Variants in ZNF469 observed in about 807,000 individuals in gnomAD.
ZNF469 encodes zinc finger protein 469.
Under a neutral mutation model 1.0 loss-of-function variants are expected in ZNF469, and 1 was observed. The ratio of observed to expected loss-of-function variants is 1.00; its 90% CI spans 0.35 to 4.73. ZNF469 has a LOEUF of 4.73. ZNF469 is among the 30% of genes most tolerant of loss of function. The pLI, the probability that ZNF469 is intolerant of heterozygous loss-of-function variation, is 0.16. For synonymous variants in ZNF469, 2,703 were observed against 2,363.4 expected (o/e 1.14, Z -4.17); for missense variants, 6,100 against 5,356.3 (o/e 1.14, Z -4.33).
In ZNF469 at chr16:88,439,685, T is replaced by C; in HGVS notation, c.*353T>C. 6.4e-6 allele frequency: 2 copies of C among 310,646 alleles called. No individual in the cohort carries two copies. The highest frequency in any genetic ancestry group is 4.6e-5 in the Admixed American group (1 of 21,506). 19.2% of individuals were successfully genotyped at this position (310,646 alleles called of 1,614,324 possible). On this transcript the variant is annotated 3_prime_UTR_variant, in exon 3 of 3. Transcript: ENST00000565624. ...ACCACAGAAGCCAATGTTTGGAGAT[T>C]TGCACAACCTCCCGTTCCCCCACAT...
the ZNF469 span, among the ~76,000 whole-genome samples, chr16:88,286,534 A>G: frequency 1.3e-5 from 2 of 152,246 alleles, no homozygotes; most frequent in East Asian, 1.9e-4. Context: ...GCCACTTGCC[A>G]TCGGGAGAGG....
chr16:88,395,584 G>T (rs953523159), intron 1 of ZNF469, among the ~76,000 whole-genome samples: 1 of 152,104 alleles, frequency 6.6e-6, no homozygotes, highest in Non-Finnish European at 1.5e-5. Flanking sequence ...GCTGTGACCT[G>T]CCCAGGTTCG....
the ZNF469 span, among the ~76,000 whole-genome samples, chr16:88,103,438 T>A: frequency 6.6e-6 from 1 of 152,206 alleles, no homozygotes; most frequent in African/African-American, 2.4e-5. Context: ...AACTCAGAAA[T>A]GCTTCCAGCC....
chr16:88,239,271 G>A, the ZNF469 span, among the ~76,000 whole-genome samples: 1 of 152,086 alleles, frequency 6.6e-6, no homozygotes, highest in Non-Finnish European at 1.5e-5. Flanking sequence ...GATCAGCTGG[G>A]AAAAAATTGA....
At chr16:88,423,638 A>G (rs1379530582) in intron 1 of ZNF469, among the ~76,000 whole-genome samples, 1 of 152,224 alleles carries the variant, frequency 6.6e-6, no homozygotes, top group African/African-American at 2.4e-5. Flanking sequence ...TGCGGTCAGA[A>G]TGTCAGCAGG....
the ZNF469 span, among the ~76,000 whole-genome samples, chr16:88,372,721 T>A: frequency 3.4e-5 from 5 of 147,862 alleles, no homozygotes; most frequent in Admixed American, 3.3e-4. Context: ...GTCATCATGA[T>A]CTTATCATCT....
Position 88,428,454 on chromosome 16 carries a change from C to T in ZNF469, c.984C>T (p.Thr328=). The T allele has an allele frequency of 1.3e-6, 2 of 1,548,586 alleles. No individual in the cohort carries two copies. Among genetic ancestry groups the T allele is most frequent in the East Asian group, 2.4e-5 (1 of 40,904 alleles). The change falls in exon 3 of 3, where the codon ACC becomes ACT. Residue 328 remains threonine, a synonymous_variant. Coordinates refer to ENST00000565624, the MANE Select transcript of ZNF469 (RefSeq NM_001367624.2). ...CGGGCCCTGCCTACCCGCTGCCCAC[C>T]CAGCCTGCGCCCTCACCCCTGCCCT... ...VGTGPAYPLP[T]QPAPSPLPCY...
chr16:88,389,529 G>A (rs970943988), intron 1 of ZNF469, among the ~76,000 whole-genome samples: 2 of 152,228 alleles, frequency 1.3e-5, no homozygotes, highest in African/African-American at 4.8e-5. Flanking sequence ...TCCTGGGGAT[G>A]GAAGTGCTTC....
At chr16:88,264,439 GTCT>G in the ZNF469 span, among the ~76,000 whole-genome samples, 1 of 151,834 alleles carries the variant, frequency 6.6e-6, no homozygotes, top group African/African-American at 2.4e-5. Context: ...GCCTCCTCCT[GTCT>G]GCTGGCTCCA....
At chr16:88,139,532 C>T in the ZNF469 span, among the ~76,000 whole-genome samples, 879 of 132,418 alleles carry the variant, frequency 6.6e-3, 14 homozygotes, top group African/African-American at 0.029. Context: ...GGCCTGGGGA[C>T]GTGATGAGGA....
At chr16:88,183,414 C>A in the ZNF469 span, among the ~76,000 whole-genome samples, 1 of 152,254 alleles carries the variant, frequency 6.6e-6, no homozygotes, top group Non-Finnish European at 1.5e-5. Context: ...CCGTGAGCAA[C>A]TGTGTACCTC....
chr16:88,346,321 G>T, the ZNF469 span, among the ~76,000 whole-genome samples: 1 of 152,150 alleles, frequency 6.6e-6, no homozygotes, highest in Admixed American at 6.5e-5. Flanking sequence ...AGTGTGCTGG[G>T]GACCCAGCTA....
At chr16:88,187,269 C>G in the ZNF469 span, among the ~76,000 whole-genome samples, 2 of 152,206 alleles carry the variant, frequency 1.3e-5, no homozygotes, top group Non-Finnish European at 2.9e-5. Context: ...CTCCCAGGTC[C>G]GACCGGACCC....
the ZNF469 span, among the ~76,000 whole-genome samples, chr16:88,151,517 G>T: frequency 6.6e-6 from 1 of 152,236 alleles, no homozygotes; most frequent in South Asian, 2.1e-4. The surrounding 1 kb of genome is among the most constrained non-coding windows in gnomAD (Gnocchi z 5.4). Context: ...GTCCACAGAT[G>T]CGCAGGGCTC....
At chr16:88,183,190 C>T in the ZNF469 span, among the ~76,000 whole-genome samples, 1 of 152,176 alleles carries the variant, frequency 6.6e-6, no homozygotes, top group African/African-American at 2.4e-5. Flanking sequence ...ATGAAAATGC[C>T]GCGCGCCTGG....
chr16:88,289,622 TGAGA>T, the ZNF469 span, among the ~76,000 whole-genome samples: 1 of 151,930 alleles, frequency 6.6e-6, no homozygotes, highest in African/African-American at 2.4e-5. Context: ...ATGAAGAAGC[TGAGA>T]GAGAGAGAAA....
chr16:88,166,224 C>T, the ZNF469 span, among the ~76,000 whole-genome samples: 2 of 152,164 alleles, frequency 1.3e-5, no homozygotes, highest in East Asian at 1.9e-4. The surrounding 1 kb of genome is among the most constrained non-coding windows in gnomAD (Gnocchi z 4.5). Context: ...ACACCCACCA[C>T]CTAAATTCCA....
At chr16:88,211,302 A>G in the ZNF469 span, among the ~76,000 whole-genome samples, 3 of 152,206 alleles carry the variant, frequency 2.0e-5, no homozygotes, top group Admixed American at 2.0e-4. Context: ...ACTAGAAGAC[A>G]GAGGTTAGAA....
At chr16:88,380,856 A>C (rs551717999), upstream of ZNF469, among the ~76,000 whole-genome samples, 14 of 148,760 alleles carry the variant, frequency 9.4e-5, no homozygotes, top group Non-Finnish European at 1.5e-4. Flanking sequence ...ATGCACTCAC[A>C]TGCACTCACA....
Sources: allele counts gnomAD v4.1 joint callset (sites outside exome capture counted in the v4.1 genomes callset), GRCh38; gene constraint gnomAD v4.1.1; non-coding constraint Gnocchi (gnomAD v3.1); transcripts MANE v1.5; gene names NCBI Gene and HGNC (gene_info 2026-07-23, HGNC 2026-07-21).